The following BLZF1 variants were observed in gnomAD, a reference collection of about 807,000 sequenced individuals.
The protein encoded by BLZF1 is golgin-45.
A neutral mutation model predicts 43.8 loss-of-function variants in BLZF1; 39 were observed. That is an observed-to-expected ratio of 0.89 (90% CI 0.69 to 1.16). BLZF1 has a LOEUF of 1.16. Ranked by LOEUF, BLZF1 falls within the 50% of genes most tolerant of loss-of-function variation. The pLI is 0.00. For missense variants in BLZF1, 449 were observed against 469.8 expected, an observed-to-expected ratio of 0.96 and a Z score of 0.41; for synonymous variants, 136 against 159.4, an observed-to-expected ratio of 0.85 and a Z score of 1.11.
At position 169,380,614 on chromosome 1, in the gene BLZF1, G is replaced by A; in HGVS notation, c.797+5G>A. 1 of 1,611,974 alleles carries A rather than the reference G, an allele frequency of 6.2e-7. No homozygotes were observed. The highest frequency in any genetic ancestry group is 8.5e-7 in the Non-Finnish European group (1 of 1,178,574). On this transcript the variant is annotated splice_donor_5th_base_variant and intron_variant, in intron 5 of 6. Coordinates refer to ENST00000367808, the MANE Select transcript of BLZF1 (RefSeq NM_001320973.2). ...AGAAATGATAGCTACCCAGAAGTAT[G>A]GCACTTGTTTACATTCTGAACTCTT... is the stretch of plus-strand genomic sequence containing the variant.
At position 169,378,336 on chromosome 1, in the gene BLZF1, C is replaced by T. The variant is rs1252405250; in HGVS notation, c.475C>T (p.Arg159Cys). The T allele has an allele frequency of 2.5e-6, 4 of 1,612,128 alleles. No individual in the cohort carries two copies. Among genetic ancestry groups the T allele is most frequent in the Admixed American group, 1.7e-5 (1 of 59,912 alleles). The change falls in exon 4 of 7, where the codon CGT becomes TGT. Residue 159 changes from arginine to cysteine, a missense_variant. Coordinates refer to ENST00000367808, the MANE Select transcript of BLZF1 (RefSeq NM_001320973.2). ...TGATTACGTTCTCTTCTAGGTAAAT[C>T]GTGAGTTAAAAAAGTTACTGGTGGC... The part of the protein sequence containing the change: ...NQLRVQTEVN[R>C]ELKKLLVASV...
chr1:169,380,423 A>G (rs2102014932), intron 4 of BLZF1, 58 bp from the exon 5 acceptor site: 5 of 1,502,778 alleles, frequency 3.3e-6, no homozygotes, highest in Non-Finnish European at 4.5e-6. Context: ...AGTATATTCA[A>G]TTTTTTACAC....
chr1:169,392,002 T>G (rs1457549350), downstream of BLZF1, among the ~76,000 whole-genome samples: 1 of 151,076 alleles, frequency 6.6e-6, no homozygotes, highest in Admixed American at 6.6e-5. Context: ...TTGATGGGCT[T>G]TTGTGGCATC....
chr1:169,387,907 G>A lies in BLZF1; in HGVS notation c.*725G>A, dbSNP rs1440680923. The A allele has an allele frequency of 2.6e-5, 4 of 152,222 alleles. No homozygotes were observed. Among genetic ancestry groups the A allele is most frequent in the East Asian group, 1.9e-4 (1 of 5,186 alleles). 9.4% of individuals were successfully genotyped at this position (152,222 alleles called of 1,614,324 possible). Reference sequence around the variant, plus strand: ...TCTGTATTCCAAATGGATACAATCCGACATATATAAAAGAAACAGATTCTT... The same window carrying A: ...TCTGTATTCCAAATGGATACAATCCAACATATATAAAAGAAACAGATTCTT... On this transcript the variant is annotated 3_prime_UTR_variant, in exon 7 of 7. Transcript: ENST00000367808.
At chr1:169,395,070 G>T in intron 7 of BLZF1, 1 of 1,598,790 alleles carries the variant, frequency 6.3e-7, no homozygotes, top group Non-Finnish European at 8.5e-7. Context: ...TCAGTAAAAC[G>T]AAAAGGTTTG....
chr1:169,369,361 A>T, intron 1 of BLZF1, 112 bp from the exon 2 acceptor site: 1 of 521,346 alleles, frequency 1.9e-6, no homozygotes, highest in Non-Finnish European at 3.4e-6. Context: ...CTCTTTCTAA[A>T]TGCATGCGTA....
At chr1:169,383,529 T>A (rs1487225619) in intron 6 of BLZF1, among the ~76,000 whole-genome samples, 2 of 152,186 alleles carry the variant, frequency 1.3e-5, no homozygotes, top group African/African-American at 2.4e-5. Flanking sequence ...TTAAACACCA[T>A]CCATTCCTCA....
At chr1:169,374,303 C>G (rs1429054470) in intron 2 of BLZF1, among the ~76,000 whole-genome samples, 1 of 152,072 alleles carries the variant, frequency 6.6e-6, no homozygotes, top group Non-Finnish European at 1.5e-5. Flanking sequence ...GGGAGGATCA[C>G]CTGAGCCCAG....
rs771930138 is a variant in BLZF1, at chr1:169,382,104, G to T, written c.840G>T (p.Glu280Asp). 1.4e-5 allele frequency: 22 copies of T among 1,613,700 alleles called. No individual in the cohort carries two copies. Among genetic ancestry groups the T allele is most frequent in the Non-Finnish European group, 1.9e-5 (22 of 1,179,744 alleles). ...ELLVSLQWGR[E>D]QTYSPSVQPH... ...TAGTTTCCTTGCAATGGGGAAGAGA[G>T]CAAACTTACTCCCCTAGTGTACAAC... is the stretch of plus-strand genomic sequence containing the variant. Residue 280 changes from glutamate (E) to aspartate (D), a missense_variant, in exon 6 of 7, where the codon GAG (glutamate) becomes GAT (aspartate). Glu to Asp is a conservative substitution (Grantham distance 45). Coordinates refer to ENST00000367808, the MANE Select transcript of BLZF1 (RefSeq NM_001320973.2).
At chr1:169,379,819 G>C (rs1654470685) in intron 4 of BLZF1, among the ~76,000 whole-genome samples, 1 of 151,850 alleles carries the variant, frequency 6.6e-6, no homozygotes, top group Non-Finnish European at 1.5e-5. Context: ...TTTGAAAAAA[G>C]GGAATGAGAT....
At chr1:169,371,035 C>G (rs1654103839) in intron 2 of BLZF1, among the ~76,000 whole-genome samples, 1 of 152,160 alleles carries the variant, frequency 6.6e-6, no homozygotes, top group African/African-American at 2.4e-5. Context: ...AAACTGACCT[C>G]CAGCCACAAA....
chr1:169,373,752 T>C (rs1161319437), intron 2 of BLZF1, among the ~76,000 whole-genome samples: 1 of 152,198 alleles, frequency 6.6e-6, no homozygotes, highest in Non-Finnish European at 1.5e-5. Flanking sequence ...AAATACCTAT[T>C]AATGGTTCTT....
chr1:169,384,513 G>A (rs932193408), intron 6 of BLZF1, among the ~76,000 whole-genome samples: 1 of 152,070 alleles, frequency 6.6e-6, no homozygotes, highest in Admixed American at 6.6e-5. Flanking sequence ...TGTATAGAAG[G>A]CTTTTTATAA....
chr1:169,395,289 A>G, intron 7 of BLZF1: 1 of 1,192,030 alleles, frequency 8.4e-7, no homozygotes. Flanking sequence ...TATAGACAAA[A>G]TAAATGGACA....
chr1:169,377,083 C>A, intron 3 of BLZF1, 104 bp downstream of exon 3: 1 of 942,018 alleles, frequency 1.1e-6, no homozygotes, highest in Non-Finnish European at 1.6e-6. Context: ...TGTCATTCAT[C>A]CTAGCTTGTC....
In BLZF1 at chr1:169,387,432, T is replaced by C; in HGVS notation, c.*250T>C. ...TACTTTCCAAGCAATACATGATACT[T>C]TTCCTAAAAGACTCTAAAAGAAAAA... On this transcript the variant is annotated 3_prime_UTR_variant, in exon 7 of 7. Coordinates refer to ENST00000367808, the MANE Select transcript of BLZF1 (RefSeq NM_001320973.2). 2 of 303,312 alleles carry C rather than the reference T, an allele frequency of 6.6e-6. No homozygotes were observed. The highest frequency in any genetic ancestry group is 1.2e-5 in the Non-Finnish European group (2 of 168,734). The allele number at this position is 303,312 out of a possible 1,614,324, so 18.8% of individuals were successfully genotyped here. A position where few individuals can be genotyped will look rare whatever the true frequency, so the allele number is the denominator to read the frequency against.
chr1:169,372,403 C>G (rs1654153022), intron 2 of BLZF1, among the ~76,000 whole-genome samples: 2 of 152,040 alleles, frequency 1.3e-5, no homozygotes. Flanking sequence ...ATGAAACACT[C>G]TAGGTAGTGT....
At chr1:169,377,481 TG>T (rs1419438536) in intron 3 of BLZF1, 8 of 152,936 alleles carry the variant, frequency 5.2e-5, no homozygotes, top group African/African-American at 1.9e-4. Flanking sequence ...CCCCTTCCCT[TG>T]TTTCTCTATT....
chr1:169,372,041 C>T (rs1037832862), intron 2 of BLZF1, among the ~76,000 whole-genome samples: 1 of 152,174 alleles, frequency 6.6e-6, no homozygotes, highest in Non-Finnish European at 1.5e-5. Context: ...CAGTATGCAA[C>T]ATTGCCCACA....
Sources: gnomAD v4.1 joint callset for allele counts (sites outside exome capture counted in the v4.1 genomes callset) on GRCh38, gnomAD v4.1.1 for gene constraint, MANE v1.5 for transcripts, NCBI Gene and HGNC (gene_info 2026-07-23, HGNC 2026-07-21) for gene names.